The following SVEP1 variants were observed in gnomAD, a reference collection of about 807,000 sequenced individuals.
SVEP1 encodes sushi, von Willebrand factor type A, EGF and pentraxin domain containing 1.
A neutral mutation model predicts 367.3 loss-of-function variants in SVEP1; 164 were observed. The observed-to-expected ratio is 0.45, with a 90% CI of 0.39 to 0.51. SVEP1 has a LOEUF of 0.51. SVEP1 is among the 20% of genes least tolerant of loss of function. SVEP1 has a pLI of 0.00. For missense variants in SVEP1, 4,117 were observed against 4,425.3 expected (o/e 0.93, Z 1.98); for synonymous variants, 1,666 against 1,611.6 (o/e 1.03, Z -0.81).
intron 40 of SVEP1, among the ~76,000 whole-genome samples, chr9:110,392,158 T>TATATATATA (rs1554710916): frequency 4.7e-5 from 7 of 148,574 alleles, no homozygotes; most frequent in South Asian, 2.1e-4. Flanking sequence ...TATATATCTC[T>TATATATATA]TCTCTCTCTC....
intron 8 of SVEP1, among the ~76,000 whole-genome samples, chr9:110,496,232 G>T (rs1829444332): frequency 6.6e-6 from 1 of 152,318 alleles, no homozygotes; most frequent in Non-Finnish European, 1.5e-5. Flanking sequence ...ACGAAGTATT[G>T]TTCCTGGGTG....
chr9:110,396,709 A>G (rs1177245152), intron 40 of SVEP1, among the ~76,000 whole-genome samples: 1 of 151,410 alleles, frequency 6.6e-6, no homozygotes, highest in African/African-American at 2.4e-5. Flanking sequence ...AGAATACTAT[A>G]AACACCTCTA....
chr9:110,578,695 G>GT (rs1830654650), intron 1 of SVEP1, among the ~76,000 whole-genome samples: 1 of 152,158 alleles, frequency 6.6e-6, no homozygotes, highest in African/African-American at 2.4e-5. Context: ...ATGCTCACCT[G>GT]TTTCAGCTTG....
At chr9:110,473,336 C>T (rs902322404) in intron 14 of SVEP1, among the ~76,000 whole-genome samples, 1 of 152,112 alleles carries the variant, frequency 6.6e-6, no homozygotes, top group African/African-American at 2.4e-5. Flanking sequence ...AAAATTACTA[C>T]AATGCTACCA....
chr9:110,542,973 A>ATATAT (rs879839087), intron 3 of SVEP1, among the ~76,000 whole-genome samples: 4 of 147,282 alleles, frequency 2.7e-5, no homozygotes, highest in African/African-American at 9.9e-5. Flanking sequence ...ATTAAAAAAA[A>ATATAT]ATATATATAT....
Position 110,435,316 on chromosome 9 carries a change from C to A in SVEP1, c.4813G>T (p.Val1605Leu), listed in dbSNP as rs369340894. ...SCPEELSKGN[V>L]LAWPDFLSGI... The stretch of plus-strand genomic sequence containing the variant: ...GACAAGAAATCAGGCCATGCTAACA[C>A]GTTTCCTTTACTGAGTTCCTCTGGG... Residue 1605 changes from valine to leucine, a missense_variant, in exon 29 of 48, where the codon GTG (valine) becomes TTG (leucine). By Grantham distance (32) the Val-to-Leu change is conservative. This residue lies in a region of SVEP1 where 2,174 missense variants were observed against 2,494.3 expected (regional missense o/e 0.87). Transcript: ENST00000374469. 7 of 1,613,548 alleles carry A rather than the reference C, an allele frequency of 4.3e-6. No individual in the cohort carries two copies. Among genetic ancestry groups the A allele is most frequent in the African/African-American group, 1.3e-5 (1 of 74,910 alleles).
chr9:110,379,276 G>T, intron 44 of SVEP1, 71 bp downstream of exon 44: 1 of 1,525,930 alleles, frequency 6.6e-7, no homozygotes, highest in Non-Finnish European at 8.9e-7. Context: ...ATTAATTGCT[G>T]GACAAATCAG....
chr9:110,366,686 T>C (rs1214081490), intron 47 of SVEP1, 126 bp from the exon 48 acceptor site: 1 of 843,304 alleles, frequency 1.2e-6, no homozygotes, highest in Admixed American at 3.0e-5. Context: ...TTATCTGTGA[T>C]GTTTATACGG....
chr9:110,522,616 C>T (rs918954592), intron 3 of SVEP1, among the ~76,000 whole-genome samples: 35 of 152,138 alleles, frequency 2.3e-4, no homozygotes, highest in African/African-American at 7.2e-4. Context: ...AAGAGAGAAT[C>T]GGCATATGTC....
At position 110,429,166 on chromosome 9, in the gene SVEP1, T is replaced by A. The variant is rs752947574; in HGVS notation, c.5784A>T (p.Ser1928=). Residue 1928 remains serine, a synonymous_variant, in exon 35 of 48, where the codon TCA becomes TCT. Coordinates refer to ENST00000374469, the MANE Select transcript of SVEP1 (RefSeq NM_153366.4). ...ACCTGTATCCTGTATCGCATGAATATGATGCAGTAGAAAGGTAGGTAAGCC... is the reference window on the plus strand; with the variant it reads ...ACCTGTATCCTGTATCGCATGAATAAGATGCAGTAGAAAGGTAGGTAAGCC... The part of the protein sequence containing the change: ...LSGLTYLSTA[S]YSCDTGYSLQ... The A allele has an allele frequency of 1.3e-6, 2 of 1,596,906 alleles. No homozygotes were observed. Among genetic ancestry groups the A allele is most frequent in the Non-Finnish European group, 1.7e-6 (2 of 1,171,124 alleles).
chr9:110,552,024 C>CTTTT lies in SVEP1; in HGVS notation c.532-1924_532-1921dup, dbSNP rs34366561. On this transcript the variant is annotated intron_variant, in intron 1 of 47. Coordinates refer to ENST00000374469, the MANE Select transcript of SVEP1 (RefSeq NM_153366.4). Reference sequence around the variant, plus strand: ...GGACAATAGAGCAGTGGTACCCAACCTTTTTTTTTTTTTTTTTTTTTTTTT... The same window carrying CTTTT: ...GGACAATAGAGCAGTGGTACCCAACCTTTTTTTTTTTTTTTTTTTTTTTTTTTTT... 2.4e-3 allele frequency among the ~76,000 whole-genome samples: 187 copies of CTTTT among 77,040 alleles called. 1 individual carries two copies. The highest frequency in any genetic ancestry group is 4.1e-3 in the South Asian group (7 of 1,714). 50.5% of individuals were successfully genotyped at this position (77,040 alleles called of 152,430 possible). A position where few individuals can be genotyped will look rare whatever the true frequency, so the allele number is the denominator to read the frequency against.
At position 110,540,901 on chromosome 9, in the gene SVEP1, G is replaced by T. The variant is rs564019717; in HGVS notation, c.964+5214C>A. 2.0e-5 allele frequency among the ~76,000 whole-genome samples: 3 copies of T among 152,230 alleles called. No individual in the cohort carries two copies. The East Asian group carries it at 5.8e-4, about 29-fold the overall frequency. On this transcript the variant is annotated intron_variant, in intron 3 of 47. Coordinates refer to ENST00000374469, the MANE Select transcript of SVEP1 (RefSeq NM_153366.4). ...CATTTCAAGGGAAGCCACCGCCTTG[G>T]CTACAGATTTGAGAGGTCATTGTTT... is the stretch of plus-strand genomic sequence containing the variant.
At chr9:110,541,776 T>C (rs572592818) in intron 3 of SVEP1, among the ~76,000 whole-genome samples, 14 of 146,926 alleles carry the variant, frequency 9.5e-5, no homozygotes, top group African/African-American at 1.2e-4. Flanking sequence ...TATCTATATA[T>C]ATCTATATAC....
chr9:110,489,638 T>G lies in SVEP1; in HGVS notation c.1930+12A>C. 2 of 1,608,446 alleles carry G rather than the reference T, an allele frequency of 1.2e-6. No individual in the cohort carries two copies. The highest frequency in any genetic ancestry group is 1.7e-6 in the Non-Finnish European group (2 of 1,176,936). On this transcript the variant is annotated intron_variant, in intron 9 of 47. Transcript: ENST00000374469. The stretch of plus-strand genomic sequence containing the variant: ...CGTTTGGATGGGGAAACAACCAAAC[T>G]ATATCACTTACCAATAACCTTGATA...
At chr9:110,449,543 C>A (rs12553632) in intron 24 of SVEP1, among the ~76,000 whole-genome samples, 22,712 of 152,026 alleles carry the variant, frequency 0.15, 2,261 homozygotes, top group East Asian at 0.43. Flanking sequence ...GTTAGCCAGG[C>A]GTGGTGGCAG....
chr9:110,538,661 C>T (rs1381779538), intron 3 of SVEP1, among the ~76,000 whole-genome samples: 1 of 152,068 alleles, frequency 6.6e-6, no homozygotes, highest in East Asian at 1.9e-4. Context: ...AGTTATCTGG[C>T]CTTCAGCCTT....
chr9:110,399,777 A>G (rs1827828076), intron 40 of SVEP1, among the ~76,000 whole-genome samples: 1 of 151,736 alleles, frequency 6.6e-6, no homozygotes, highest in Non-Finnish European at 1.5e-5. Context: ...CAAGTGATCC[A>G]CCCTCCTTGG....
chr9:110,449,307 C>A (rs1564145974), intron 24 of SVEP1, among the ~76,000 whole-genome samples: 5 of 151,980 alleles, frequency 3.3e-5, no homozygotes. Flanking sequence ...TTTTTACATT[C>A]ATGTTAGATT....
intron 40 of SVEP1, among the ~76,000 whole-genome samples, chr9:110,395,770 TG>T (rs1328020103): frequency 1.3e-5 from 2 of 151,690 alleles, no homozygotes; most frequent in African/African-American, 4.8e-5. Context: ...CATTACATAA[TG>T]GTAAAGGGAT....
Sources: allele counts gnomAD v4.1 joint callset (sites outside exome capture counted in the v4.1 genomes callset), GRCh38; gene constraint gnomAD v4.1.1; regional missense constraint gnomAD v4.1.1; transcripts MANE v1.5; gene names NCBI Gene and HGNC (gene_info 2026-07-23, HGNC 2026-07-21).